PRKN: variants seen among roughly 807,000 people sequenced by gnomAD.
PRKN encodes the protein parkin RBR E3 ubiquitin protein ligase.
PRKN carries 56 observed loss-of-function variants against 59.5 expected under a neutral mutation model. That is an observed-to-expected ratio of 0.94 (90% CI 0.76 to 1.18). The LOEUF is 1.18. PRKN is among the 50% of genes most tolerant of loss of function. The pLI is 0.00. For synonymous variants in PRKN, 250 were observed against 222.1 expected (o/e 1.13, Z -1.12); for missense variants, 657 against 596.4 (o/e 1.10, Z -1.06).
At chr6:162,584,121 G>A (rs1171772097) in intron 1 of PRKN, among the ~76,000 whole-genome samples, 2 of 151,608 alleles carry the variant, frequency 1.3e-5, no homozygotes, top group South Asian at 2.1e-4. Context: ...GCTGAGGCAG[G>A]AGAATGGTGT....
chr6:161,755,556 A>G (rs929615404), intron 7 of PRKN, among the ~76,000 whole-genome samples: 1 of 151,902 alleles, frequency 6.6e-6, no homozygotes, highest in African/African-American at 2.4e-5. Flanking sequence ...TGTTGGGGGG[A>G]AAAACATGTA....
intron 1 of PRKN, chr6:162,568,871 A>G (rs981519205): frequency 1.6e-5 from 11 of 706,576 alleles, no homozygotes; most frequent in Admixed American, 7.1e-5. Context: ...ATAAGTGTAC[A>G]GAGATGGAGA....
At chr6:162,058,721 G>A (rs909289230) in intron 4 of PRKN, among the ~76,000 whole-genome samples, 1 of 152,136 alleles carries the variant, frequency 6.6e-6, no homozygotes, top group Non-Finnish European at 1.5e-5. Flanking sequence ...GGGTGGCTGA[G>A]GAGGATGGAT....
chr6:161,490,285 A>G (rs1372175844), intron 9 of PRKN, among the ~76,000 whole-genome samples: 1 of 149,608 alleles, frequency 6.7e-6, no homozygotes, highest in African/African-American at 2.5e-5. Flanking sequence ...CCTCTAATCT[A>G]CGTAAATCTC....
chr6:162,126,356 T>C (rs947900219), intron 4 of PRKN, among the ~76,000 whole-genome samples: 4 of 152,228 alleles, frequency 2.6e-5, no homozygotes, highest in African/African-American at 9.6e-5. Flanking sequence ...AATTTGTTTT[T>C]CTAAAGCCCT....
chr6:162,216,993 C>T (rs1777704756), intron 3 of PRKN, among the ~76,000 whole-genome samples: 1 of 152,066 alleles, frequency 6.6e-6, no homozygotes, highest in Non-Finnish European at 1.5e-5. Context: ...AGACTTAGTT[C>T]TACTTTAATA....
chr6:162,328,775 C>T (rs895387904), intron 2 of PRKN, among the ~76,000 whole-genome samples: 1 of 152,102 alleles, frequency 6.6e-6, no homozygotes, highest in African/African-American at 2.4e-5. Flanking sequence ...GGAGGAGGAG[C>T]GAGCGGCTGC....
chr6:162,447,335 G>T (rs978875335), intron 1 of PRKN, among the ~76,000 whole-genome samples: 29 of 152,004 alleles, frequency 1.9e-4, no homozygotes, highest in Non-Finnish European at 1.0e-4. Flanking sequence ...CAGAGACCAA[G>T]AGATATGATA....
Position 161,400,544 on chromosome 6 carries a change from C to T in PRKN, c.1084-13667G>A, listed in dbSNP as rs1470024214. Among the ~76,000 whole-genome samples, 1 of 152,006 alleles carries T rather than the reference C, an allele frequency of 6.6e-6. No homozygotes were observed. Among genetic ancestry groups the T allele is most frequent in the African/African-American group, 2.4e-5 (1 of 41,378 alleles). On this transcript the variant is annotated intron_variant, in intron 9 of 11. Coordinates refer to ENST00000366898, the MANE Select transcript of PRKN (RefSeq NM_004562.3). This position sits in a 1 kb window ranked among gnomAD's most constrained non-coding sequence, Gnocchi z 4.2. Reference sequence around the variant, plus strand: ...GGCCAGGCTGGTCTCAAACCCCTGACCTCAGGTAATCCGTTCCCCTCAGCC... The same window carrying T: ...GGCCAGGCTGGTCTCAAACCCCTGATCTCAGGTAATCCGTTCCCCTCAGCC...
rs769469124 is a variant in PRKN at position 161,445,857 on chromosome 6, G to A, written c.1084-58980C>T. ...TCCCTATCGACAGCCTTGCAGGGTG[G>A]TGGTTTCCTTTGCCCGGAGAGTTCA... On this transcript the variant is annotated intron_variant, in intron 9 of 11. Coordinates refer to ENST00000366898, the MANE Select transcript of PRKN (RefSeq NM_004562.3). This position sits in a 1 kb window ranked among gnomAD's most constrained non-coding sequence, Gnocchi z 7.7. 4.7e-5 allele frequency among the ~76,000 whole-genome samples: 7 copies of A among 150,136 alleles called. No individual in the cohort carries two copies. The highest frequency in any genetic ancestry group is 7.4e-5 in the Non-Finnish European group (5 of 67,744).
intron 2 of PRKN, among the ~76,000 whole-genome samples, chr6:162,301,994 A>C (rs1781982254): frequency 6.6e-6 from 1 of 152,112 alleles, no homozygotes; most frequent in Non-Finnish European, 1.5e-5. Flanking sequence ...ACTCATTGGC[A>C]TCCTGGTCAA....
At chr6:161,450,210 G>T (rs1789667341) in intron 9 of PRKN, among the ~76,000 whole-genome samples, 1 of 152,202 alleles carries the variant, frequency 6.6e-6, no homozygotes, top group Non-Finnish European at 1.5e-5. Flanking sequence ...AGGAGGACTT[G>T]CCCTGATTGC....
At chr6:162,232,665 C>T (rs1778473078) in intron 3 of PRKN, among the ~76,000 whole-genome samples, 1 of 152,098 alleles carries the variant, frequency 6.6e-6, no homozygotes, top group African/African-American at 2.4e-5. Context: ...ATTTTTTCTT[C>T]TCTCTGCTGT....
rs551686728 is a variant in PRKN, at chr6:161,463,577, T to G, written c.1084-76700A>C. ...CAGATGCTTTCTTTGACCATCTTGA[T>G]ATCCAGATATGGAGTATTCCCATTT... On this transcript the variant is annotated intron_variant, in intron 9 of 11. Transcript: ENST00000366898. This position sits in a 1 kb window ranked among gnomAD's most constrained non-coding sequence, Gnocchi z 4.8. Among the ~76,000 whole-genome samples the G allele has an allele frequency of 6.6e-6, 1 of 152,354 alleles. No individual in the cohort carries two copies. The highest frequency in any genetic ancestry group is 2.4e-5 in the African/African-American group (1 of 41,570).
chr6:162,688,945 C>G (rs1249428796), intron 1 of PRKN, among the ~76,000 whole-genome samples: 2 of 152,164 alleles, frequency 1.3e-5, no homozygotes, highest in Non-Finnish European at 2.9e-5. Context: ...CATTAGCCTA[C>G]CATGCTAAAC....
chr6:161,395,877 C>T lies in PRKN; in HGVS notation c.1084-9000G>A, dbSNP rs1786730606. 6.6e-6 allele frequency among the ~76,000 whole-genome samples: 1 copy of T among 152,152 alleles called. No homozygotes were observed. The highest frequency in any genetic ancestry group is 1.5e-5 in the Non-Finnish European group (1 of 68,046). ...GATGGGCCTGAATCTGGCCCGCCTG[C>T]CAGGAAAGGACTTGTAATGAATTTA... On this transcript the variant is annotated intron_variant, in intron 9 of 11. Coordinates refer to ENST00000366898, the MANE Select transcript of PRKN (RefSeq NM_004562.3). The surrounding 1 kb of genome is among the most constrained non-coding windows in gnomAD (Gnocchi z 5.0).
intron 4 of PRKN, among the ~76,000 whole-genome samples, chr6:162,192,457 T>G (rs199982137): frequency 0.084 from 11,367 of 135,454 alleles, 872 homozygotes; most frequent in Admixed American, 0.22. Flanking sequence ...TTTTTTTTTT[T>G]TTTTTTTTTT....
intron 1 of PRKN, among the ~76,000 whole-genome samples, chr6:162,641,085 T>C (rs974273246): frequency 6.6e-6 from 1 of 152,124 alleles, no homozygotes; most frequent in South Asian, 2.1e-4. Context: ...CTTCTCAAAA[T>C]GTGTACACTC....
chr6:162,249,351 T>C (rs1779331880), intron 3 of PRKN, among the ~76,000 whole-genome samples: 1 of 152,220 alleles, frequency 6.6e-6, no homozygotes, highest in African/African-American at 2.4e-5. Context: ...AAATTGATTA[T>C]GCAACAAAGG....
Sources: gnomAD v4.1 joint callset for allele counts (sites outside exome capture counted in the v4.1 genomes callset) on GRCh38, gnomAD v4.1.1 for gene constraint, Gnocchi (gnomAD v3.1) non-coding constraint, MANE v1.5 for transcripts, NCBI Gene and HGNC (gene_info 2026-07-23, HGNC 2026-07-21) for gene names.